The following FAM228B variants were observed in gnomAD, a reference collection of about 807,000 sequenced individuals.
FAM228B encodes the protein family with sequence similarity 228 member B.
A neutral mutation model predicts 42.6 loss-of-function variants in FAM228B; 38 were observed. The ratio of observed to expected loss-of-function variants is 0.89; its 90% confidence interval spans 0.69 to 1.17. FAM228B has a LOEUF of 1.17. Ranked by LOEUF, FAM228B falls within the 50% of genes most tolerant of loss-of-function variation. FAM228B has a pLI of 0.00. For missense variants in FAM228B, 344 were observed against 367.3 expected, an observed-to-expected ratio of 0.94 and a Z score of 0.52; for synonymous variants, 109 against 122.3, an observed-to-expected ratio of 0.89 and a Z score of 0.72.
intron 2 of FAM228B, among the ~76,000 whole-genome samples, chr2:24,128,232 G>A (rs999294067): frequency 6.6e-6 from 1 of 151,994 alleles, no homozygotes; most frequent in African/African-American, 2.4e-5. Flanking sequence ...GGATTCTTTT[G>A]TTTCGTTTTT....
chr2:24,155,531 A>ATATATATATT (rs1558393367), intron 7 of FAM228B, among the ~76,000 whole-genome samples: 5 of 13,038 alleles, frequency 3.8e-4, no homozygotes, highest in Admixed American at 1.2e-3. Context: ...ATATATATAT[A>ATATATATATT]TTTTTTTTTT....
intron 10 of FAM228B, 175 bp downstream of exon 10, chr2:24,167,858 T>G (rs927860283): frequency 7.8e-5 from 54 of 693,184 alleles, no homozygotes; most frequent in Non-Finnish European, 1.1e-4. Flanking sequence ...TGTAAGGCAT[T>G]CTCTGGGCTT....
chr2:24,115,597 T>C, intron 3 of FAM228B: 1 of 1,612,908 alleles, frequency 6.2e-7, no homozygotes, highest in Non-Finnish European at 8.5e-7. Context: ...CTTCCTTTTT[T>C]TCTTAGGTAG....
chr2:24,157,844 T>C (rs1667185001), intron 7 of FAM228B, among the ~76,000 whole-genome samples: 2 of 152,156 alleles, frequency 1.3e-5, no homozygotes, highest in Admixed American at 6.5e-5. Flanking sequence ...CTCAGATGAT[T>C]CGAACACATA....
chr2:24,084,956 A>G lies in FAM228B; in HGVS notation c.-210+4001A>G, dbSNP rs1665194374. 6.6e-6 allele frequency: 1 copy of G among 152,166 alleles called. No individual in the cohort carries two copies. Among genetic ancestry groups the G allele is most frequent in the South Asian group, 2.1e-4 (1 of 4,836 alleles). 9.4% of individuals were successfully genotyped at this position (152,166 alleles called of 1,614,324 possible). On this transcript the variant is annotated intron_variant, in intron 2 of 10. Coordinates refer to the FAM228B transcript ENST00000613899. This position sits in a 1 kb window ranked among gnomAD's most constrained non-coding sequence, Gnocchi z 8.4. ...AAAACGCAAAGTTAGAAGCAAGCAAATCAGATTTTCTTGTCCTTTTAGCCT... is the reference window on the plus strand; with the variant it reads ...AAAACGCAAAGTTAGAAGCAAGCAAGTCAGATTTTCTTGTCCTTTTAGCCT...
intron 2 of FAM228B, among the ~76,000 whole-genome samples, chr2:24,132,997 G>A (rs565943437): frequency 4.6e-5 from 7 of 152,184 alleles, no homozygotes; most frequent in East Asian, 1.9e-4. Context: ...CCTTTCTTTG[G>A]CTCCCTCTTT....
chr2:24,166,729 G>C (rs1299108277), intron 9 of FAM228B, among the ~76,000 whole-genome samples: 1 of 152,072 alleles, frequency 6.6e-6, no homozygotes, highest in East Asian at 1.9e-4. Context: ...AGTGGGGGAC[G>C]AATGAAGAGG....
rs377138438 is a variant in FAM228B at position 24,077,792 on chromosome 2, G to A, written c.-290+823G>A. 6.3e-7 allele frequency: 1 copy of A among 1,594,162 alleles called. No homozygotes were observed. On this transcript the variant is annotated intron_variant, in intron 1 of 10. Transcript: ENST00000613899. The surrounding 1 kb of genome is among the most constrained non-coding windows in gnomAD (Gnocchi z 5.5). ...ACAAGGGAAAGGAGATCATCAGCCT[G>A]GGGAGAGAGCCTCACCCTGCCCTCC... is the stretch of plus-strand genomic sequence containing the variant.
At position 24,080,721 on chromosome 2, in the gene FAM228B, G is replaced by T; in HGVS notation, c.-289-155G>T. ...GGGCAGCTGTTGTGCACTTAGCAGA[G>T]GTAAGACTGATACACAGCACTGGCA... On this transcript the variant is annotated intron_variant, in intron 1 of 10. Transcript: ENST00000613899. This position sits in a 1 kb window ranked among gnomAD's most constrained non-coding sequence, Gnocchi z 4.7. The T allele has an allele frequency of 6.8e-7, 1 of 1,459,936 alleles. No individual in the cohort carries two copies. The highest frequency in any genetic ancestry group is 9.5e-7 in the Non-Finnish European group (1 of 1,049,532). The allele number at this position is 1,459,936 out of a possible 1,614,324, so 90.4% of individuals were successfully genotyped here. A position where few individuals can be genotyped will look rare whatever the true frequency, so the allele number is the denominator to read the frequency against.
At chr2:24,146,877 G>T (rs1338112648) in intron 6 of FAM228B, 42 bp downstream of exon 6, 2 of 1,538,794 alleles carry the variant, frequency 1.3e-6, no homozygotes, top group Non-Finnish European at 1.8e-6. Flanking sequence ...TAGCCCAAGA[G>T]CAATGGCAGA....
chr2:24,123,853 T>G (rs926348498), intron 1 of FAM228B, among the ~76,000 whole-genome samples: 7 of 151,934 alleles, frequency 4.6e-5, no homozygotes, highest in Non-Finnish European at 7.4e-5. Flanking sequence ...GCCTACGACA[T>G]CCCCGTCGCA....
intron 2 of FAM228B, among the ~76,000 whole-genome samples, chr2:24,093,628 T>C (rs1665435986): frequency 6.6e-6 from 1 of 152,070 alleles, no homozygotes; most frequent in Non-Finnish European, 1.5e-5. Context: ...GCATTTTTTT[T>C]TTTTTGAGAC....
At chr2:24,164,364 A>T (rs1236035597) in intron 9 of FAM228B, 29 bp downstream of exon 9, 1 of 1,531,948 alleles carries the variant, frequency 6.5e-7, no homozygotes, top group African/African-American at 1.4e-5. Context: ...CCATTTCATC[A>T]TACATAAGGT....
rs773149316 is a variant in FAM228B, at chr2:24,080,954, G to A, written c.-211G>A. The A allele has an allele frequency of 1.1e-5, 18 of 1,614,020 alleles. No homozygotes were observed. Among genetic ancestry groups the A allele is most frequent in the Admixed American group, 3.3e-5 (2 of 59,996 alleles). On this transcript the variant is annotated splice_region_variant and 5_prime_UTR_variant, in exon 2 of 11. Transcript: ENST00000613899. This position sits in a 1 kb window ranked among gnomAD's most constrained non-coding sequence, Gnocchi z 4.7. The stretch of plus-strand genomic sequence containing the variant: ...ACCAGAGGAATAGCTCCAGCCATCC[G>A]GGTGAGTTGGATAGCAGCTGTGCCC...
chr2:24,086,519 AC>A (rs1665258106), intron 2 of FAM228B, among the ~76,000 whole-genome samples: 1 of 110,034 alleles, frequency 9.1e-6, no homozygotes, highest in East Asian at 2.5e-4. Flanking sequence ...CTCCTTCCCC[AC>A]CCCCTCTTTC....
chr2:24,140,645 T>C lies in FAM228B; in HGVS notation c.441+1195T>C, dbSNP rs951479557. On this transcript the variant is annotated intron_variant, in intron 5 of 10. Coordinates refer to ENST00000615575, the MANE Select transcript of FAM228B (RefSeq NM_001145710.2). Reference sequence around the variant, plus strand: ...ACCTTGTTATTAACTATAGCCATCATATTGTACAATAGATCTCTAGAAAAA... The same window carrying C: ...ACCTTGTTATTAACTATAGCCATCACATTGTACAATAGATCTCTAGAAAAA... 3.9e-5 allele frequency among the ~76,000 whole-genome samples: 6 copies of C among 152,170 alleles called. No individual in the cohort carries two copies. In the South Asian group the frequency reaches 1.2e-3, roughly 32 times the overall value.
Position 24,084,911 on chromosome 2 carries a change from C to T in FAM228B, c.-210+3956C>T, listed in dbSNP as rs1379793098. On this transcript the variant is annotated intron_variant, in intron 2 of 10. Coordinates refer to the FAM228B transcript ENST00000613899. The surrounding 1 kb of genome is among the most constrained non-coding windows in gnomAD (Gnocchi z 8.4). ...AAGCAGAACCACCCTCCCCCTCTTT[C>T]CTTTCCTCCTTCCCCCTTTAAAACG... 1 of 152,562 alleles carries T rather than the reference C, an allele frequency of 6.6e-6. No homozygotes were observed. The highest frequency in any genetic ancestry group is 2.4e-5 in the African/African-American group (1 of 41,474). The allele number at this position is 152,562 out of a possible 1,614,324, so 9.5% of individuals were successfully genotyped here.
intron 3 of FAM228B, among the ~76,000 whole-genome samples, chr2:24,098,154 A>G (rs1040025508): frequency 2.0e-5 from 3 of 152,228 alleles, no homozygotes; most frequent in African/African-American, 7.2e-5. Flanking sequence ...GGAAATTTAT[A>G]GCACTAAACA....
intron 7 of FAM228B, among the ~76,000 whole-genome samples, chr2:24,161,167 C>T (rs897756437): frequency 9.2e-5 from 14 of 152,140 alleles, no homozygotes; most frequent in African/African-American, 3.4e-4. Context: ...CTCATACCGC[C>T]AGGCGTGGAG....
Sources: gnomAD v4.1 joint callset for allele counts (sites outside exome capture counted in the v4.1 genomes callset) on GRCh38, gnomAD v4.1.1 for gene constraint, Gnocchi (gnomAD v3.1) non-coding constraint, MANE v1.5 for transcripts, NCBI Gene and HGNC (gene_info 2026-07-23, HGNC 2026-07-21) for gene names.